Variants in CDH13 observed in about 807,000 individuals in gnomAD.
CDH13 encodes cadherin-13.
CDH13 carries 24 observed loss-of-function variants against 63.8 expected under a neutral mutation model. That is an observed-to-expected ratio of 0.38 (90% CI 0.27 to 0.53). The LOEUF (loss-of-function observed/expected upper bound fraction) is 0.53. CDH13 is among the 20% of genes least tolerant of loss of function. The probability of loss-of-function intolerance (pLI) is 0.85; values close to 1 mark genes in which losing one functional copy is unlikely to be tolerated. For synonymous variants in CDH13, 503 were observed against 355.3 expected, an observed-to-expected ratio of 1.42 and a Z score of -4.67; for missense variants, 1,049 against 903.1, an observed-to-expected ratio of 1.16 and a Z score of -2.07.
chr16:82,992,081 G>C (rs547025336), intron 2 of CDH13, among the ~76,000 whole-genome samples: 27 of 152,294 alleles, frequency 1.8e-4, no homozygotes, highest in African/African-American at 6.5e-4. Flanking sequence ...TCGTAGAAGT[G>C]AAACGGCACT....
intron 10 of CDH13, among the ~76,000 whole-genome samples, chr16:83,699,223 C>T (rs997765030): frequency 5.3e-5 from 8 of 152,366 alleles, no homozygotes; most frequent in African/African-American, 1.4e-4. Context: ...GCAGCCCATT[C>T]ATCATCATTC....
intron 3 of CDH13, among the ~76,000 whole-genome samples, chr16:83,098,351 C>T (rs960186094): frequency 6.6e-6 from 1 of 152,188 alleles, no homozygotes; most frequent in Non-Finnish European, 1.5e-5. Context: ...GTAAACTCTA[C>T]ATTACATTGC....
At position 82,705,427 on chromosome 16, in the gene CDH13, G is replaced by A. The variant is rs557138155; in HGVS notation, c.45+78290G>A. 5.9e-5 allele frequency among the ~76,000 whole-genome samples: 9 copies of A among 152,224 alleles called. No individual in the cohort carries two copies. The East Asian group carries it at 9.7e-4, about 16-fold the overall frequency. On this transcript the variant is annotated intron_variant, in intron 1 of 13. Transcript: ENST00000567109. ...ATCGCCTCTAGTGGTCCATATGCAC[G>A]ACAACCCGGGATCCTAGAAATTAGC...
At chr16:82,953,583 G>A (rs741591) in intron 2 of CDH13, 47,098 of 152,102 alleles carry the variant, frequency 0.31, 8,982 homozygotes, top group East Asian at 0.49. Context: ...AGCAGCTCTG[G>A]TTGGCAGTTA....
chr16:83,599,101 C>A (rs1907540502), intron 7 of CDH13, among the ~76,000 whole-genome samples: 1 of 152,042 alleles, frequency 6.6e-6, no homozygotes, highest in Non-Finnish European at 1.5e-5. Context: ...GGGGTGATGC[C>A]CGAGGGAATT....
chr16:83,498,160 T>G (rs888263932), intron 7 of CDH13, among the ~76,000 whole-genome samples: 1 of 152,166 alleles, frequency 6.6e-6, no homozygotes, highest in South Asian at 2.1e-4. Flanking sequence ...GTTAGAGCCC[T>G]GATAGGTGAG....
chr16:83,169,658 A>T (rs1208221080), intron 4 of CDH13, among the ~76,000 whole-genome samples: 1 of 151,910 alleles, frequency 6.6e-6, no homozygotes, highest in African/African-American at 2.4e-5. Context: ...ATTGATTCAT[A>T]AAGGCCCACT....
chr16:82,638,374 C>G lies in CDH13; in HGVS notation c.45+11237C>G, dbSNP rs147619933. On this transcript the variant is annotated intron_variant, in intron 1 of 13. Transcript: ENST00000567109. Reference sequence around the variant, plus strand: ...CAGCCATTTACACACTGTGTTGCCTCAGATAATTGACTTCATTTCCCTCCT... The same window carrying G: ...CAGCCATTTACACACTGTGTTGCCTGAGATAATTGACTTCATTTCCCTCCT... 3.5e-3 allele frequency among the ~76,000 whole-genome samples: 535 copies of G among 152,304 alleles called. 14 individuals are homozygous for G. The highest frequency in any genetic ancestry group is 6.9e-4 in the Non-Finnish European group (47 of 68,030).
At chr16:83,297,557 A>ATGCCC (rs1415437696) in intron 5 of CDH13, among the ~76,000 whole-genome samples, 1 of 152,020 alleles carries the variant, frequency 6.6e-6, no homozygotes, top group Non-Finnish European at 1.5e-5. Flanking sequence ...ACACTTTTTG[A>ATGCCC]ATGCCTCTTT....
At chr16:82,794,703 T>G (rs188904734) in intron 1 of CDH13, among the ~76,000 whole-genome samples, 11 of 152,304 alleles carry the variant, frequency 7.2e-5, no homozygotes, top group Admixed American at 5.2e-4. Flanking sequence ...CCTATAAATA[T>G]AATACCCCTT....
At chr16:83,790,289 A>C (rs1410838055) in intron 13 of CDH13, 1 of 152,254 alleles carries the variant, frequency 6.6e-6, no homozygotes, top group Non-Finnish European at 1.5e-5. Flanking sequence ...AGTTGAACTG[A>C]AGGATCTGCA....
intron 10 of CDH13, among the ~76,000 whole-genome samples, chr16:83,711,603 C>A (rs1908064838): frequency 6.6e-6 from 1 of 152,214 alleles, no homozygotes; most frequent in African/African-American, 2.4e-5. Context: ...ACAACCTCTG[C>A]CTTCCAGGCT....
At chr16:83,699,544 C>T (rs1905892956) in intron 10 of CDH13, among the ~76,000 whole-genome samples, 1 of 152,176 alleles carries the variant, frequency 6.6e-6, no homozygotes, top group South Asian at 2.1e-4. Flanking sequence ...AGTTCCATTT[C>T]TTAGCTGTCT....
chr16:82,711,749 G>A (rs1255211664), intron 1 of CDH13, among the ~76,000 whole-genome samples: 2 of 152,190 alleles, frequency 1.3e-5, no homozygotes, highest in Non-Finnish European at 2.9e-5. Flanking sequence ...ACATTCTAAA[G>A]TTCAGACACT....
intron 7 of CDH13, among the ~76,000 whole-genome samples, chr16:83,570,842 T>A (rs1329068402): frequency 6.4e-4 from 76 of 118,150 alleles, no homozygotes; most frequent in East Asian, 4.5e-3. Flanking sequence ...ATTTATATTT[T>A]TATATATATA....
intron 2 of CDH13, among the ~76,000 whole-genome samples, chr16:82,921,661 G>A (rs1212819356): frequency 6.6e-6 from 1 of 152,058 alleles, no homozygotes; most frequent in Admixed American, 6.6e-5. Flanking sequence ...ATATGTTGTC[G>A]AGGATTTTGT....
intron 5 of CDH13, among the ~76,000 whole-genome samples, chr16:83,323,496 C>G (rs111480488): frequency 0.053 from 8,069 of 151,638 alleles, 704 homozygotes; most frequent in African/African-American, 0.18. Context: ...TGCCAGGCTG[C>G]TCTCAAACGC....
chr16:83,304,363 G>A (rs1450634315), intron 5 of CDH13, among the ~76,000 whole-genome samples: 1 of 152,188 alleles, frequency 6.6e-6, no homozygotes, highest in Admixed American at 6.5e-5. Flanking sequence ...ATTTTAGAAG[G>A]AGTCTGAATG....
At chr16:82,832,832 A>G (rs1383720337) in intron 1 of CDH13, among the ~76,000 whole-genome samples, 1 of 152,230 alleles carries the variant, frequency 6.6e-6, no homozygotes, top group Non-Finnish European at 1.5e-5. Context: ...TCGTTGAAAT[A>G]GTATCTGAAT....
Sources: gnomAD v4.1 joint callset for allele counts (sites outside exome capture counted in the v4.1 genomes callset) on GRCh38, gnomAD v4.1.1 for gene constraint, MANE v1.5 for transcripts, NCBI Gene and HGNC (gene_info 2026-07-23, HGNC 2026-07-21) for gene names.